The following SNAP29 variants were observed in gnomAD, a reference collection of about 807,000 sequenced individuals.
SNAP29 encodes synaptosomal-associated protein 29.
In SNAP29, 13 loss-of-function variants were observed where a neutral mutation model predicts 27.9. That is an observed-to-expected ratio of 0.47 (90% CI 0.30 to 0.74). The LOEUF is 0.74. Ranked by LOEUF, SNAP29 falls within the 30% of genes least tolerant of loss-of-function variation. The probability of loss-of-function intolerance (pLI) is 0.06; values close to 1 mark genes in which losing one functional copy is unlikely to be tolerated. For missense variants in SNAP29, 368 were observed against 336.5 expected, an observed-to-expected ratio of 1.09 and a Z score of -0.73; for synonymous variants, 119 against 127.1, an observed-to-expected ratio of 0.94 and a Z score of 0.43.
chr22:20,881,200 G>T, intron 3 of SNAP29, 66 bp downstream of exon 3: 1 of 1,133,362 alleles, frequency 8.8e-7, no homozygotes, highest in South Asian at 1.3e-5. Context: ...GTTTGGCGTT[G>T]GTCCTTGGGG....
chr22:20,890,086 G>A lies in SNAP29; in HGVS notation c.*2250G>A. 2.5e-6 allele frequency: 1 copy of A among 395,204 alleles called. No individual in the cohort carries two copies. Among genetic ancestry groups the A allele is most frequent in the South Asian group, 1.4e-4 (1 of 6,978 alleles). The allele number at this position is 395,204 out of a possible 1,614,324, so 24.5% of individuals were successfully genotyped here. A position where few individuals can be genotyped will look rare whatever the true frequency, so the allele number is the denominator to read the frequency against. ...CCTCTCGTTCTACGTCCTGTGCTGA[G>A]GGGACTGTCCGTAAGCTACAGGACA... On this transcript the variant is annotated 3_prime_UTR_variant, in exon 5 of 5. Coordinates refer to ENST00000215730, the MANE Select transcript of SNAP29 (RefSeq NM_004782.4).
chr22:20,866,547 G>A (rs891612407), intron 1 of SNAP29, among the ~76,000 whole-genome samples: 2 of 152,040 alleles, frequency 1.3e-5, no homozygotes, highest in Admixed American at 6.6e-5. Flanking sequence ...TCTCGGTCAC[G>A]GAAGCCCACC....
chr22:20,871,611 G>A (rs1019228523), intron 2 of SNAP29, among the ~76,000 whole-genome samples: 2 of 152,088 alleles, frequency 1.3e-5, no homozygotes, highest in African/African-American at 2.4e-5. Flanking sequence ...GGCCAGGCAC[G>A]GTGGCTCACG....
intron 4 of SNAP29, among the ~76,000 whole-genome samples, chr22:20,887,288 G>T (rs1347253743): frequency 6.6e-6 from 1 of 151,260 alleles, no homozygotes; most frequent in Non-Finnish European, 1.5e-5. Flanking sequence ...AAGCCTTTGT[G>T]TATCCTGATC....
At chr22:20,867,571 C>A (rs1267084126) in intron 1 of SNAP29, among the ~76,000 whole-genome samples, 3 of 152,154 alleles carry the variant, frequency 2.0e-5, no homozygotes, top group African/African-American at 7.2e-5. Context: ...AGAAACAACT[C>A]CTCCCTTGCT....
chr22:20,880,976 A>C (rs1411365748), intron 2 of SNAP29, 73 bp from the exon 3 acceptor site: 1 of 990,286 alleles, frequency 1.0e-6, no homozygotes, highest in Non-Finnish European at 1.6e-6. Flanking sequence ...GCATTATGTG[A>C]AAAGACTGAT....
rs1929137114 is a variant in SNAP29, at chr22:20,890,866, AAGATCG to A, written c.*3034_*3039del. On this transcript the variant is annotated 3_prime_UTR_variant, in exon 5 of 5. Coordinates refer to ENST00000215730, the MANE Select transcript of SNAP29 (RefSeq NM_004782.4). ...CAAGGCAGGCGGATCACGAGGTCAG[AAGATCG>A]AGACCATCCTGGCTAACACAGTGAA... 1 of 149,830 alleles carries A rather than the reference AAGATCG, an allele frequency of 6.7e-6. No individual in the cohort carries two copies. Among genetic ancestry groups the A allele is most frequent in the African/African-American group, 2.5e-5 (1 of 40,686 alleles). 9.3% of individuals were successfully genotyped at this position (149,830 alleles called of 1,614,324 possible). A position where few individuals can be genotyped will look rare whatever the true frequency, so the allele number is the denominator to read the frequency against.
intron 1 of SNAP29, among the ~76,000 whole-genome samples, chr22:20,862,314 G>T (rs984745306): frequency 6.6e-6 from 1 of 152,212 alleles, no homozygotes; most frequent in South Asian, 2.1e-4. Context: ...TCAAAGTAGG[G>T]CATTGTGGCA....
chr22:20,882,271 G>C (rs117104177), intron 3 of SNAP29, among the ~76,000 whole-genome samples: 1 of 151,462 alleles, frequency 6.6e-6, no homozygotes, highest in African/African-American at 2.4e-5. Flanking sequence ...ACAGCCTCCA[G>C]CCCAAGCAGA....
chr22:20,874,318 A>G (rs1928677356), intron 2 of SNAP29, among the ~76,000 whole-genome samples: 3 of 95,500 alleles, frequency 3.1e-5, no homozygotes, highest in Non-Finnish European at 6.2e-5. Flanking sequence ...ACACACACAG[A>G]CACACACACA....
intron 2 of SNAP29, among the ~76,000 whole-genome samples, chr22:20,873,739 G>A (rs558419454): frequency 6.3e-5 from 9 of 142,068 alleles, no homozygotes; most frequent in Admixed American, 2.1e-4. Flanking sequence ...AGGCCGAGGC[G>A]GGTGCATCGT....
chr22:20,869,502 T>C (rs2147863571), intron 1 of SNAP29, among the ~76,000 whole-genome samples: 1 of 152,310 alleles, frequency 6.6e-6, no homozygotes, highest in East Asian at 1.9e-4. Flanking sequence ...GCTGGAATTG[T>C]GGATGGGCTA....
intron 1 of SNAP29, among the ~76,000 whole-genome samples, chr22:20,869,734 C>CCTAT (rs1326602966): frequency 3.9e-5 from 6 of 152,114 alleles, no homozygotes; most frequent in African/African-American, 1.4e-4. Flanking sequence ...CAGTTCAGGC[C>CCTAT]ATAGACTCTG....
intron 2 of SNAP29, among the ~76,000 whole-genome samples, chr22:20,877,376 G>A (rs1928773047): frequency 6.6e-6 from 1 of 152,136 alleles, no homozygotes; most frequent in African/African-American, 2.4e-5. Flanking sequence ...CACCAACATG[G>A]AGAAACCCTG....
At chr22:20,864,707 T>C (rs1471132193) in intron 1 of SNAP29, among the ~76,000 whole-genome samples, 1 of 152,236 alleles carries the variant, frequency 6.6e-6, no homozygotes, top group East Asian at 1.9e-4. Flanking sequence ...CTTACCCATC[T>C]CTTGCTCAAC....
At chr22:20,879,636 A>G (rs1360392151) in intron 2 of SNAP29, among the ~76,000 whole-genome samples, 1 of 152,080 alleles carries the variant, frequency 6.6e-6, no homozygotes. Flanking sequence ...ACCTGAGGTC[A>G]GGAGTTCGTG....
chr22:20,868,779 G>A (rs923537095), intron 1 of SNAP29, among the ~76,000 whole-genome samples: 2 of 152,198 alleles, frequency 1.3e-5, no homozygotes, highest in Non-Finnish European at 2.9e-5. Context: ...CGCAGCTGTA[G>A]ATCAGTTCTG....
At chr22:20,873,384 G>C (rs569510007) in intron 2 of SNAP29, among the ~76,000 whole-genome samples, 2 of 152,168 alleles carry the variant, frequency 1.3e-5, no homozygotes, top group East Asian at 3.9e-4. Flanking sequence ...GCCAGTGACT[G>C]TGAACCTGTG....
At chr22:20,872,890 C>T (rs1928631868) in intron 2 of SNAP29, among the ~76,000 whole-genome samples, 2 of 121,020 alleles carry the variant, frequency 1.7e-5, no homozygotes, top group South Asian at 5.6e-4. Context: ...AGTGCAGTGG[C>T]ACCATCTCAG....
Sources: gnomAD v4.1 joint callset for allele counts (sites outside exome capture counted in the v4.1 genomes callset) on GRCh38, gnomAD v4.1.1 for gene constraint, MANE v1.5 for transcripts, NCBI Gene and HGNC (gene_info 2026-07-23, HGNC 2026-07-21) for gene names.